The following GCNT2 variants were observed in gnomAD, a reference collection of about 807,000 sequenced individuals.
The protein encoded by GCNT2 is glucosaminyl (N-acetyl) transferase 2 (I blood group).
GCNT2 carries 34 observed loss-of-function variants against 34.2 expected under a neutral mutation model. The observed-to-expected ratio is 1.00, with a 90% CI of 0.76 to 1.32. GCNT2 has a LOEUF of 1.32. Ranked by LOEUF, GCNT2 falls within the 40% of genes most tolerant of loss-of-function variation. The pLI is 0.00. For missense variants in GCNT2, 584 were observed against 489.4 expected (o/e 1.19, Z -1.82); for synonymous variants, 212 against 188.0 (o/e 1.13, Z -1.04).
At chr6:10,536,315 C>G (rs1233292397) in intron 3 of GCNT2, among the ~76,000 whole-genome samples, 3 of 151,924 alleles carry the variant, frequency 2.0e-5, no homozygotes, top group Admixed American at 1.3e-4. Context: ...CTTAAGCAAT[C>G]TCTGTTTTTT....
chr6:10,566,471 C>A (rs1209444009), intron 3 of GCNT2, among the ~76,000 whole-genome samples: 1 of 151,962 alleles, frequency 6.6e-6, no homozygotes, highest in Non-Finnish European at 1.5e-5. Flanking sequence ...TTTTTAAAAT[C>A]TTTATAGAGA....
chr6:10,548,642 A>AT (rs1245402369), intron 3 of GCNT2, among the ~76,000 whole-genome samples: 1 of 151,798 alleles, frequency 6.6e-6, no homozygotes, highest in East Asian at 1.9e-4. Flanking sequence ...AGCATATGTT[A>AT]TTTTTTCTAT....
intron 3 of GCNT2, among the ~76,000 whole-genome samples, chr6:10,584,941 T>C (rs533684375): frequency 1.3e-5 from 2 of 152,184 alleles, no homozygotes; most frequent in Non-Finnish European, 2.9e-5. Context: ...ACTGACTCTT[T>C]CATGTAAAAT....
intron 3 of GCNT2, among the ~76,000 whole-genome samples, chr6:10,534,948 C>T (rs897920749): frequency 1.3e-5 from 2 of 152,186 alleles, no homozygotes; most frequent in African/African-American, 4.8e-5. Flanking sequence ...CTTTGGGAAG[C>T]TGAGGTGGGC....
intron 3 of GCNT2, among the ~76,000 whole-genome samples, chr6:10,567,902 G>A (rs1401946070): frequency 6.6e-6 from 1 of 152,184 alleles, no homozygotes; most frequent in Non-Finnish European, 1.5e-5. Context: ...ATGATAAATG[G>A]ATTTTATAAT....
intron 3 of GCNT2, among the ~76,000 whole-genome samples, chr6:10,616,116 T>A (rs549284474): frequency 2.4e-4 from 37 of 151,984 alleles, no homozygotes; most frequent in Middle Eastern, 3.4e-3. Flanking sequence ...GTGTTCAGAG[T>A]TTTTTCCTTC....
chr6:10,563,969 A>G (rs1450005543), intron 3 of GCNT2, among the ~76,000 whole-genome samples: 1 of 151,998 alleles, frequency 6.6e-6, no homozygotes, highest in Non-Finnish European at 1.5e-5. Context: ...AATATTCTGA[A>G]GATGAAACTT....
intron 3 of GCNT2, among the ~76,000 whole-genome samples, chr6:10,595,055 G>A (rs1197552205): frequency 1.3e-5 from 2 of 152,080 alleles, no homozygotes; most frequent in Non-Finnish European, 1.5e-5. Context: ...ATGTTGCCCA[G>A]ACTGGGATAT....
intron 4 of GCNT2, among the ~76,000 whole-genome samples, chr6:10,625,170 C>T (rs1766204832): frequency 6.6e-6 from 1 of 152,188 alleles, no homozygotes; most frequent in Non-Finnish European, 1.5e-5. Context: ...CAACATCCTC[C>T]CTTTCCCACT....
In GCNT2 at chr6:10,616,957, TCCA is replaced by T. The variant is rs1436078292; in HGVS notation, c.926-4392_926-4390del. Among the ~76,000 whole-genome samples, 8 of 152,284 alleles carry T rather than the reference TCCA, an allele frequency of 5.3e-5. No individual in the cohort carries two copies. The East Asian group carries it at 1.2e-3, about 22-fold the overall frequency. Reference sequence around the variant, plus strand: ...ATCCCTTAGCTAGACATAAAGGTTCTCCACGTCCCCACCAGACTCAGGAGCCCA... The same window carrying T: ...ATCCCTTAGCTAGACATAAAGGTTCTCGTCCCCACCAGACTCAGGAGCCCA... On this transcript the variant is annotated intron_variant, in intron 3 of 4. Coordinates refer to ENST00000495262, the MANE Select transcript of GCNT2 (RefSeq NM_145649.5).
chr6:10,523,710 T>C (rs368403166), intron 1 of GCNT2, among the ~76,000 whole-genome samples: 10 of 152,038 alleles, frequency 6.6e-5, no homozygotes, highest in East Asian at 1.9e-4. Flanking sequence ...CTGTGGCTCA[T>C]GCCTGTAATC....
chr6:10,571,118 A>G (rs1763535723), intron 3 of GCNT2, among the ~76,000 whole-genome samples: 1 of 152,190 alleles, frequency 6.6e-6, no homozygotes, highest in Non-Finnish European at 1.5e-5. Context: ...AGAGAGATCA[A>G]GTGGCTGGCT....
chr6:10,595,973 C>G (rs1044756583), intron 3 of GCNT2, among the ~76,000 whole-genome samples: 6 of 152,176 alleles, frequency 3.9e-5, no homozygotes, highest in Non-Finnish European at 8.8e-5. Flanking sequence ...TGAGTTGACA[C>G]TATAATTCTC....
intron 3 of GCNT2, among the ~76,000 whole-genome samples, chr6:10,603,609 G>A (rs1024497032): frequency 6.7e-6 from 1 of 150,274 alleles, no homozygotes; most frequent in Admixed American, 6.6e-5. Flanking sequence ...TCCGCCTCCT[G>A]GGTTCAAGTG....
chr6:10,613,722 T>A (rs1428519965), intron 3 of GCNT2, among the ~76,000 whole-genome samples: 1 of 151,742 alleles, frequency 6.6e-6, no homozygotes, highest in African/African-American at 2.4e-5. Context: ...TTTATATACG[T>A]GTGTGTGTGT....
chr6:10,544,509 G>GC, intron 3 of GCNT2, among the ~76,000 whole-genome samples: 1 of 134,340 alleles, frequency 7.4e-6, no homozygotes, highest in Middle Eastern at 5.2e-3. Context: ...GGAGGCTGAG[G>GC]CAGAGAATTG....
chr6:10,626,592 C>G lies in GCNT2; in HGVS notation c.1194C>G (p.Pro398=), dbSNP rs779032094. The G allele has an allele frequency of 6.2e-7, 1 of 1,613,292 alleles. No homozygotes were observed. Among genetic ancestry groups the G allele is most frequent in the East Asian group, 2.2e-5 (1 of 44,872 alleles). ...TLNQSETAIQ[P]SWYF ...ATCAGAGTGAAACTGCGATACAACC[C>G]AGCTGGTATTTTTGAGCTATTCATG... Residue 398 remains proline (P), a synonymous_variant, in exon 5 of 5, where the codon CCC becomes CCG. Transcript: ENST00000495262.
intron 3 of GCNT2, among the ~76,000 whole-genome samples, chr6:10,554,077 T>TGTG (rs1420546437): frequency 6.6e-6 from 1 of 152,214 alleles, no homozygotes; most frequent in African/African-American, 2.4e-5. Flanking sequence ...AGTGTCAACT[T>TGTG]TGTCCTCAGC....
intron 3 of GCNT2, among the ~76,000 whole-genome samples, chr6:10,537,552 T>C (rs543758102): frequency 1.3e-5 from 2 of 151,720 alleles, no homozygotes; most frequent in East Asian, 1.9e-4. Flanking sequence ...AATACAAAAA[T>C]TAGCCGGGCG....
Sources: gnomAD v4.1 joint callset for allele counts (sites outside exome capture counted in the v4.1 genomes callset) on GRCh38, gnomAD v4.1.1 for gene constraint, MANE v1.5 for transcripts, NCBI Gene and HGNC (gene_info 2026-07-23, HGNC 2026-07-21) for gene names.